The following PTPRD variants were observed in gnomAD, a reference collection of about 807,000 sequenced individuals.
The protein encoded by PTPRD is receptor-type tyrosine-protein phosphatase delta.
PTPRD carries 34 observed loss-of-function variants against 214.5 expected under a neutral mutation model. The observed-to-expected ratio is 0.16, with a 90% confidence interval of 0.12 to 0.21. PTPRD has a LOEUF of 0.21. Ranked by LOEUF, PTPRD falls within the 10% of genes least tolerant of loss-of-function variation. The pLI is 1.00. For synonymous variants in PTPRD, 1,128 were observed against 845.7 expected (o/e 1.33, Z -5.79); for missense variants, 2,545 against 2,398.7 (o/e 1.06, Z -1.27).
chr9:10,331,878 G>C (rs780497199), intron 3 of PTPRD, among the ~76,000 whole-genome samples: 1 of 151,776 alleles, frequency 6.6e-6, no homozygotes, highest in Non-Finnish European at 1.5e-5. Context: ...TGTTCAATAA[G>C]GTATGTGGTC....
At chr9:10,511,517 C>T (rs200553741) in intron 2 of PTPRD, among the ~76,000 whole-genome samples, 3 of 151,742 alleles carry the variant, frequency 2.0e-5, no homozygotes, top group African/African-American at 7.3e-5. Flanking sequence ...AATTACCCTG[C>T]CTCAGCCTCC....
At chr9:9,497,931 C>T (rs2154218368) in intron 8 of PTPRD, among the ~76,000 whole-genome samples, 1 of 152,262 alleles carries the variant, frequency 6.6e-6, no homozygotes, top group African/African-American at 2.4e-5. Flanking sequence ...ATAAACTGTG[C>T]AGGTCAATTT....
chr9:9,148,087 A>T (rs1205232510), intron 10 of PTPRD, among the ~76,000 whole-genome samples: 1 of 152,232 alleles, frequency 6.6e-6, no homozygotes, highest in Admixed American at 6.5e-5. Flanking sequence ...TAGCTTTTGT[A>T]TTGCATTTGC....
At chr9:10,449,455 G>A (rs146571075) in intron 2 of PTPRD, among the ~76,000 whole-genome samples, 3,771 of 151,576 alleles carry the variant, frequency 0.025, 252 homozygotes, top group African/African-American at 0.087. Flanking sequence ...TCCGCCCGGC[G>A]GCCACCCCGT....
At chr9:10,040,970 C>T (rs1347443467) in intron 3 of PTPRD, among the ~76,000 whole-genome samples, 2 of 151,970 alleles carry the variant, frequency 1.3e-5, no homozygotes, top group African/African-American at 4.8e-5. Context: ...TTCACAATTT[C>T]TATTTGTTGT....
intron 3 of PTPRD, among the ~76,000 whole-genome samples, chr9:10,322,282 TA>T (rs1251014809): frequency 2.0e-5 from 3 of 151,964 alleles, no homozygotes; most frequent in South Asian, 4.1e-4. Flanking sequence ...CTTAACTGCA[TA>T]AAAAAATAAA....
intron 7 of PTPRD, among the ~76,000 whole-genome samples, chr9:9,612,095 T>G (rs998775986): frequency 6.6e-6 from 1 of 152,158 alleles, no homozygotes; most frequent in African/African-American, 2.4e-5. Flanking sequence ...CTATATATAA[T>G]GAAAATATAT....
At chr9:10,112,606 G>A (rs2098700635) in intron 3 of PTPRD, among the ~76,000 whole-genome samples, 1 of 152,138 alleles carries the variant, frequency 6.6e-6, no homozygotes, top group African/African-American at 2.4e-5. Flanking sequence ...ACCCTGCCCA[G>A]GCCGTGGAGG....
intron 8 of PTPRD, among the ~76,000 whole-genome samples, chr9:9,423,729 A>C (rs2079727796): frequency 6.6e-6 from 1 of 152,218 alleles, no homozygotes; most frequent in South Asian, 2.1e-4. Context: ...AACTGCAGTA[A>C]CTATAATTAA....
At chr9:9,012,040 C>G (rs947345363) in intron 11 of PTPRD, among the ~76,000 whole-genome samples, 9 of 152,140 alleles carry the variant, frequency 5.9e-5, no homozygotes, top group Non-Finnish European at 1.3e-4. Context: ...GTCCCTTTCC[C>G]TTTCTGACTT....
intron 9 of PTPRD, among the ~76,000 whole-genome samples, chr9:9,332,386 G>A (rs987572378): frequency 4.0e-5 from 6 of 151,726 alleles, no homozygotes; most frequent in South Asian, 2.1e-4. Flanking sequence ...ATACCTCATA[G>A]TATATTCCAT....
At chr9:10,325,142 C>T (rs538523957) in intron 3 of PTPRD, among the ~76,000 whole-genome samples, 1 of 151,894 alleles carries the variant, frequency 6.6e-6, no homozygotes, top group East Asian at 1.9e-4. Flanking sequence ...GTTTATCAAA[C>T]CTTAAGTTCC....
At position 8,719,478 on chromosome 9, in the gene PTPRD, G is replaced by C. The variant is rs544043058; in HGVS notation, c.64+14302C>G. Among the ~76,000 whole-genome samples, 19 of 152,250 alleles carry C rather than the reference G, an allele frequency of 1.2e-4. 1 individual carries two copies. Among genetic ancestry groups the C allele is most frequent in the African/African-American group, 4.6e-4 (19 of 41,522 alleles). ...TAACTAACTTCATCAGGTTAAACAAGGTCCTTTGCTGATATTCTCCACTTT... is the reference window on the plus strand; with the variant it reads ...TAACTAACTTCATCAGGTTAAACAACGTCCTTTGCTGATATTCTCCACTTT... On this transcript the variant is annotated intron_variant, in intron 12 of 45. Coordinates refer to ENST00000381196, the MANE Select transcript of PTPRD (RefSeq NM_002839.4).
Position 8,962,551 on chromosome 9 carries a change from A to AGC in PTPRD, c.-104+56145_-104+56146insGC, listed in dbSNP as rs564689853. Among the ~76,000 whole-genome samples the AGC allele has an allele frequency of 1.6e-4, 25 of 151,818 alleles. No individual in the cohort carries two copies. In the East Asian group the frequency reaches 4.9e-3, roughly 30 times the overall value. On this transcript the variant is annotated intron_variant, in intron 11 of 45. Transcript: ENST00000381196. ...GAAGAAGAGAGAAAGAGAGAGAGAG[A>AGC]GAGAGCGAGAGCACTCTTAGGACAT...
chr9:9,952,368 G>C (rs371682168), intron 4 of PTPRD, among the ~76,000 whole-genome samples: 26 of 152,282 alleles, frequency 1.7e-4, no homozygotes, highest in African/African-American at 5.3e-4. Context: ...GCAACACGTG[G>C]TGCCTTGACC....
chr9:8,364,101 G>A (rs144842046), intron 39 of PTPRD, among the ~76,000 whole-genome samples: 4 of 152,346 alleles, frequency 2.6e-5, no homozygotes, highest in Non-Finnish European at 4.4e-5. Flanking sequence ...AACACTGTGA[G>A]TGTGTGAAAG....
At chr9:8,377,635 G>A (rs1313232053) in intron 37 of PTPRD, among the ~76,000 whole-genome samples, 1 of 151,752 alleles carries the variant, frequency 6.6e-6, no homozygotes, top group African/African-American at 2.4e-5. Context: ...ATTCTTAAGA[G>A]AACCCAACTG....
intron 14 of PTPRD, among the ~76,000 whole-genome samples, chr9:8,601,103 T>C (rs1377878715): frequency 1.3e-5 from 2 of 152,104 alleles, no homozygotes; most frequent in Non-Finnish European, 2.9e-5. Context: ...TGGCAGGAGC[T>C]TGGCAGTACT....
rs184809959 is a variant in PTPRD at position 8,388,962 on chromosome 9, G to C, written c.4386+270C>G. Among the ~76,000 whole-genome samples, 353 of 143,742 alleles carry C rather than the reference G, an allele frequency of 2.5e-3. 3 individuals are homozygous for C. The Middle Eastern group carries it at 0.04, about 16-fold the overall frequency. The allele number at this position is 143,742 out of a possible 152,430, so 94.3% of individuals were successfully genotyped here. A position where few individuals can be genotyped will look rare whatever the true frequency, so the allele number is the denominator to read the frequency against. On this transcript the variant is annotated intron_variant, in intron 37 of 45. Coordinates refer to ENST00000381196, the MANE Select transcript of PTPRD (RefSeq NM_002839.4). ...AATATTTATTTTCTCTAATCAAGTT[G>C]TCTATTCCTGTGAATATTCCTTTTT...
Sources: gnomAD v4.1 joint callset for allele counts (sites outside exome capture counted in the v4.1 genomes callset) on GRCh38, gnomAD v4.1.1 for gene constraint, MANE v1.5 for transcripts, NCBI Gene and HGNC (gene_info 2026-07-23, HGNC 2026-07-21) for gene names.